The following CSMD3 variants were observed in gnomAD, a reference collection of about 807,000 sequenced individuals.
The protein encoded by CSMD3 is CUB and Sushi multiple domains 3.
A neutral mutation model predicts 435.2 loss-of-function variants in CSMD3; 177 were observed. That is an observed-to-expected ratio of 0.41 (90% CI 0.36 to 0.46). CSMD3 has a LOEUF of 0.46. Among genes scored for constraint, CSMD3 ranks in the 20% least tolerant of loss-of-function variants. The probability of loss-of-function intolerance (pLI) is 0.34; values close to 1 mark genes in which losing one functional copy is unlikely to be tolerated. For synonymous variants in CSMD3, 1,656 were observed against 1,520.5 expected (o/e 1.09, Z -2.07); for missense variants, 4,265 against 4,504.6 (o/e 0.95, Z 1.52).
intron 32 of CSMD3, among the ~76,000 whole-genome samples, chr8:112,468,236 T>G (rs868237303): frequency 0.051 from 3,702 of 72,974 alleles, 130 homozygotes; most frequent in African/African-American, 0.3. Flanking sequence ...CCTAAAGTAT[T>G]TTTTTTTTTT....
chr8:113,086,243 C>T (rs538713994), intron 5 of CSMD3, among the ~76,000 whole-genome samples: 277 of 146,476 alleles, frequency 1.9e-3, no homozygotes, highest in South Asian at 6.0e-3. Flanking sequence ...AGCGAGACTC[C>T]GTCAAAAAAA....
intron 5 of CSMD3, among the ~76,000 whole-genome samples, chr8:113,020,540 A>C (rs887024716): frequency 6.6e-6 from 1 of 152,206 alleles, no homozygotes; most frequent in Admixed American, 6.5e-5. Flanking sequence ...CCAAAGTAAA[A>C]GAGTCTCCAA....
At chr8:112,502,245 AG>A (rs1302420664) in intron 30 of CSMD3, among the ~76,000 whole-genome samples, 2 of 152,190 alleles carry the variant, frequency 1.3e-5, no homozygotes, top group Non-Finnish European at 2.9e-5. Context: ...ACTTCCCCCA[AG>A]CATCTTCTGA....
chr8:112,384,313 A>T (rs892143760), intron 36 of CSMD3, among the ~76,000 whole-genome samples: 2 of 152,224 alleles, frequency 1.3e-5, no homozygotes, highest in African/African-American at 4.8e-5. Context: ...GAGTTATAGT[A>T]ACTACGTCAC....
chr8:112,726,938 A>G (rs2076978559), intron 13 of CSMD3, among the ~76,000 whole-genome samples: 1 of 151,866 alleles, frequency 6.6e-6, no homozygotes, highest in African/African-American at 2.4e-5. Context: ...ATGACTGATT[A>G]AAGCTCATTT....
chr8:112,495,460 A>G (rs1182373717), intron 30 of CSMD3, among the ~76,000 whole-genome samples: 1 of 152,242 alleles, frequency 6.6e-6, no homozygotes, highest in Non-Finnish European at 1.5e-5. Flanking sequence ...GACAAATTTA[A>G]AAATAATGCC....
chr8:112,404,331 C>T (rs951251515), intron 35 of CSMD3, among the ~76,000 whole-genome samples: 1 of 151,960 alleles, frequency 6.6e-6, no homozygotes, highest in African/African-American at 2.4e-5. Context: ...AGTTCAAGAC[C>T]AGCCTGACCA....
chr8:112,587,053 T>G lies in CSMD3; in HGVS notation c.3885+13A>C. Reference sequence around the variant, plus strand: ...AAAATGAACAATATACAAGTATGTCTGAGTTCACCTACCTTAAGAACATCT... The same window carrying G: ...AAAATGAACAATATACAAGTATGTCGGAGTTCACCTACCTTAAGAACATCT... On this transcript the variant is annotated intron_variant, in intron 23 of 70. Transcript: ENST00000297405. The G allele has an allele frequency of 6.3e-7, 1 of 1,594,802 alleles. No individual in the cohort carries two copies. Among genetic ancestry groups the G allele is most frequent in the African/African-American group, 1.3e-5 (1 of 74,554 alleles).
At chr8:113,430,845 A>C (rs1426825084) in intron 1 of CSMD3, among the ~76,000 whole-genome samples, 1 of 152,200 alleles carries the variant, frequency 6.6e-6, no homozygotes, top group Non-Finnish European at 1.5e-5. Flanking sequence ...GCCGGCAACG[A>C]ATTATCACTA....
intron 11 of CSMD3, among the ~76,000 whole-genome samples, chr8:112,839,721 T>A (rs2080127250): frequency 6.6e-6 from 1 of 151,636 alleles, no homozygotes; most frequent in Non-Finnish European, 1.5e-5. Flanking sequence ...GATACCTCTC[T>A]TTTCATTTAT....
chr8:113,281,961 C>A (rs2093615833), intron 2 of CSMD3, among the ~76,000 whole-genome samples: 1 of 151,878 alleles, frequency 6.6e-6, no homozygotes, highest in African/African-American at 2.4e-5. Context: ...AAACAAAATT[C>A]TTGGCTGATA....
chr8:112,313,858 A>C, intron 49 of CSMD3, 48 bp downstream of exon 49: 1 of 1,421,852 alleles, frequency 7.0e-7, no homozygotes, highest in Non-Finnish European at 9.9e-7. Context: ...TCATAATCAT[A>C]CCGAAGATGA....
chr8:112,663,636 TA>T (rs535140221), intron 17 of CSMD3, among the ~76,000 whole-genome samples: 87 of 148,554 alleles, frequency 5.9e-4, no homozygotes, highest in Middle Eastern at 3.4e-3. Context: ...TAAAGTATAA[TA>T]AAAAAAAAAT....
At chr8:112,321,270 A>G (rs1233122528) in intron 45 of CSMD3, among the ~76,000 whole-genome samples, 2 of 152,202 alleles carry the variant, frequency 1.3e-5, no homozygotes. Flanking sequence ...ATACAAGAGC[A>G]CACAATTAGT....
At position 112,391,272 on chromosome 8, in the gene CSMD3, A is replaced by G. The variant is rs1440825024; in HGVS notation, c.5810-484T>C. 2.0e-5 allele frequency among the ~76,000 whole-genome samples: 3 copies of G among 152,266 alleles called. 1 individual carries two copies. The South Asian group carries it at 6.2e-4, about 32-fold the overall frequency. ...CCTACTATATGCGAGGCACCCTTCT[A>G]AGTACTTTACATATTTTAACTCATT... On this transcript the variant is annotated intron_variant, in intron 35 of 70. Coordinates refer to ENST00000297405, the MANE Select transcript of CSMD3 (RefSeq NM_198123.2).
chr8:112,816,165 A>G (rs886212763), intron 12 of CSMD3, among the ~76,000 whole-genome samples: 1 of 152,100 alleles, frequency 6.6e-6, no homozygotes, highest in Non-Finnish European at 1.5e-5. Context: ...CTTGGAGTAG[A>G]ATATTTTTCC....
chr8:113,089,214 T>C (rs746491939), intron 5 of CSMD3, among the ~76,000 whole-genome samples: 1 of 152,176 alleles, frequency 6.6e-6, no homozygotes, highest in Non-Finnish European at 1.5e-5. Context: ...ACATCACTCT[T>C]GGTTTTCCTC....
chr8:112,834,990 C>T (rs975042494), intron 11 of CSMD3, among the ~76,000 whole-genome samples: 1 of 151,566 alleles, frequency 6.6e-6, no homozygotes, highest in African/African-American at 2.4e-5. Context: ...TTTTTTTAAA[C>T]CAAGTAAGTC....
At chr8:113,391,494 C>A (rs986663013) in intron 1 of CSMD3, among the ~76,000 whole-genome samples, 1 of 151,968 alleles carries the variant, frequency 6.6e-6, no homozygotes, top group Non-Finnish European at 1.5e-5. Flanking sequence ...AATGTCATAA[C>A]TGTGACAATG....
Sources: gnomAD v4.1 joint callset for allele counts (sites outside exome capture counted in the v4.1 genomes callset) on GRCh38, gnomAD v4.1.1 for gene constraint, MANE v1.5 for transcripts, NCBI Gene and HGNC (gene_info 2026-07-23, HGNC 2026-07-21) for gene names.